Variants in LRRC4C observed in about 807,000 individuals in gnomAD.
LRRC4C encodes leucine-rich repeat-containing protein 4C.
Under a neutral mutation model 33.6 loss-of-function variants are expected in LRRC4C, and 5 were observed. The observed-to-expected ratio is 0.15, with a 90% confidence interval of 0.08 to 0.31. LRRC4C has a LOEUF of 0.31. Ranked by LOEUF, LRRC4C falls within the 10% of genes least tolerant of loss-of-function variation. The probability of loss-of-function intolerance (pLI) is 1.00; values close to 1 mark genes in which losing one functional copy is unlikely to be tolerated. For synonymous variants in LRRC4C, 329 were observed against 302.0 expected (o/e 1.09, Z -0.93); for missense variants, 560 against 796.7 (o/e 0.70, Z 3.58).
chr11:40,653,900 G>A (rs914579804), intron 2 of LRRC4C, among the ~76,000 whole-genome samples: 4 of 152,292 alleles, frequency 2.6e-5, no homozygotes, highest in East Asian at 1.9e-4. Context: ...TTGCAGCCCT[G>A]GGACTTGGTG....
intron 2 of LRRC4C, among the ~76,000 whole-genome samples, chr11:40,670,791 C>T (rs757497113): frequency 1.3e-5 from 2 of 152,050 alleles, no homozygotes; most frequent in Non-Finnish European, 2.9e-5. Context: ...TGAGACGGAG[C>T]ATCGCTCTGT....
chr11:40,171,373 A>AC (rs1365369755), intron 5 of LRRC4C, among the ~76,000 whole-genome samples: 5 of 152,202 alleles, frequency 3.3e-5, no homozygotes, highest in Non-Finnish European at 7.3e-5. Context: ...AAAAGGAGGC[A>AC]AAAATTTATG....
intron 3 of LRRC4C, among the ~76,000 whole-genome samples, chr11:40,502,203 C>A (rs1954811336): frequency 6.6e-6 from 1 of 152,156 alleles, no homozygotes. Context: ...AGCCATTCAA[C>A]AAGTCTCTAG....
At chr11:40,842,759 C>T (rs77083981) in intron 2 of LRRC4C, among the ~76,000 whole-genome samples, 119 of 152,072 alleles carry the variant, frequency 7.8e-4, no homozygotes, top group Non-Finnish European at 1.0e-4. Flanking sequence ...ATAGTAGAAC[C>T]GTGGTTCTCA....
chr11:40,181,396 A>T (rs1295720134), intron 5 of LRRC4C, among the ~76,000 whole-genome samples: 28 of 152,198 alleles, frequency 1.8e-4, no homozygotes, highest in Non-Finnish European at 1.2e-4. Flanking sequence ...CATACACTTC[A>T]CTCAAAGATA....
At chr11:40,976,203 G>A (rs79801037) in intron 1 of LRRC4C, among the ~76,000 whole-genome samples, 2,268 of 152,276 alleles carry the variant, frequency 0.015, 60 homozygotes, top group African/African-American at 0.052. Flanking sequence ...TCACAGTGCT[G>A]CAGCTCAGGT....
chr11:40,674,003 G>A (rs888057612), intron 2 of LRRC4C, among the ~76,000 whole-genome samples: 7 of 152,150 alleles, frequency 4.6e-5, no homozygotes, highest in Admixed American at 6.5e-5. Flanking sequence ...TCAATGCTCA[G>A]TCATCATCTA....
intron 3 of LRRC4C, among the ~76,000 whole-genome samples, chr11:40,323,038 T>A (rs1349656): frequency 0.97 from 148,014 of 152,286 alleles, 72,081 homozygotes; most frequent in Middle Eastern, 1. Context: ...AATGAGAAAG[T>A]CACAAATCTC....
intron 2 of LRRC4C, among the ~76,000 whole-genome samples, chr11:40,732,735 T>A (rs1256217649): frequency 1.3e-5 from 2 of 152,194 alleles, no homozygotes; most frequent in Non-Finnish European, 2.9e-5. Context: ...CTTTTTAAAG[T>A]TAACAATATG....
chr11:41,222,855 A>T (rs1010318142), intron 1 of LRRC4C: 1 of 151,540 alleles, frequency 6.6e-6, no homozygotes, highest in African/African-American at 2.4e-5. Flanking sequence ...AAAAAAAAAA[A>T]AGAATGCTGG....
chr11:40,433,612 G>A (rs1357083291), intron 3 of LRRC4C, among the ~76,000 whole-genome samples: 1 of 152,178 alleles, frequency 6.6e-6, no homozygotes, highest in Non-Finnish European at 1.5e-5. Context: ...CCCTGACGAA[G>A]TTTTGCCTCT....
chr11:40,710,622 G>C (rs1301335472), intron 2 of LRRC4C, among the ~76,000 whole-genome samples: 1 of 152,196 alleles, frequency 6.6e-6, no homozygotes, highest in African/African-American at 2.4e-5. Flanking sequence ...TGAGGTGTCT[G>C]TTGGCCCCTA....
At chr11:40,586,760 G>A (rs1480893984) in intron 3 of LRRC4C, among the ~76,000 whole-genome samples, 1 of 151,482 alleles carries the variant, frequency 6.6e-6, no homozygotes, top group Non-Finnish European at 1.5e-5. Flanking sequence ...GTTTTTCTCA[G>A]GTTTGTCAAA....
intron 2 of LRRC4C, among the ~76,000 whole-genome samples, chr11:40,771,976 T>G (rs2137178290): frequency 6.6e-6 from 1 of 152,274 alleles, no homozygotes; most frequent in East Asian, 1.9e-4. Context: ...AACTGTTCCA[T>G]CCTCTTACTG....
intron 2 of LRRC4C, among the ~76,000 whole-genome samples, chr11:40,867,172 C>T (rs1368352604): frequency 2.6e-5 from 4 of 152,132 alleles, no homozygotes; most frequent in Non-Finnish European, 1.5e-5. Context: ...GAAAGCATTG[C>T]CTCGTTCACC....
At chr11:40,437,458 A>G (rs1001674953) in intron 3 of LRRC4C, among the ~76,000 whole-genome samples, 1 of 151,758 alleles carries the variant, frequency 6.6e-6, no homozygotes, top group Non-Finnish European at 1.5e-5. Context: ...CAGTGGCACA[A>G]TCCCGGCTCA....
intron 3 of LRRC4C, among the ~76,000 whole-genome samples, chr11:40,398,733 T>C (rs1043870631): frequency 1.3e-5 from 2 of 152,034 alleles, no homozygotes; most frequent in Non-Finnish European, 2.9e-5. Context: ...GAGAAGCATC[T>C]GGGTCCTGGG....
intron 6 of LRRC4C, among the ~76,000 whole-genome samples, chr11:40,123,728 GA>G (rs971174631): frequency 1.3e-4 from 20 of 151,074 alleles, no homozygotes; most frequent in African/African-American, 4.1e-4. Flanking sequence ...CACAGAAATA[GA>G]AAAAAAAATC....
intron 1 of LRRC4C, among the ~76,000 whole-genome samples, chr11:41,054,850 C>A (rs1858502656): frequency 6.6e-6 from 1 of 152,142 alleles, no homozygotes; most frequent in Admixed American, 6.5e-5. Context: ...AAAAGAGAAG[C>A]CTGAACTATC....
Sources: gnomAD v4.1 joint callset for allele counts (sites outside exome capture counted in the v4.1 genomes callset) on GRCh38, gnomAD v4.1.1 for gene constraint, MANE v1.5 for transcripts, NCBI Gene and HGNC (gene_info 2026-07-23, HGNC 2026-07-21) for gene names.